Variants in C1QTNF3 observed in about 807,000 individuals in gnomAD.
The protein encoded by C1QTNF3 is complement C1q tumor necrosis factor-related protein 3.
Under a neutral mutation model 32.6 loss-of-function variants are expected in C1QTNF3, and 26 were observed. That is an observed-to-expected ratio of 0.80 (90% CI 0.58 to 1.11). C1QTNF3 has a LOEUF of 1.11. Among genes scored for constraint, C1QTNF3 ranks in the 50% least tolerant of loss-of-function variants. The pLI, the probability that C1QTNF3 is intolerant of heterozygous loss-of-function variation, is 0.00. For synonymous variants in C1QTNF3, 155 were observed against 146.0 expected (o/e 1.06, Z -0.44); for missense variants, 362 against 398.2 (o/e 0.91, Z 0.77).
chr5:34,135,042 T>C, the C1QTNF3 span, among the ~76,000 whole-genome samples: 5 of 152,280 alleles, frequency 3.3e-5, no homozygotes, highest in East Asian at 3.9e-4. Context: ...CAGTGTGATA[T>C]TGGCTGTGGG....
At chr5:34,033,924 A>T (rs1199007413) in intron 2 of C1QTNF3, among the ~76,000 whole-genome samples, 1 of 152,228 alleles carries the variant, frequency 6.6e-6, no homozygotes, top group Non-Finnish European at 1.5e-5. Context: ...CACTTTGCGA[A>T]GCCACAGTGG....
the C1QTNF3 span, among the ~76,000 whole-genome samples, chr5:34,239,153 T>C: frequency 6.6e-6 from 1 of 152,140 alleles, no homozygotes; most frequent in African/African-American, 2.4e-5. Context: ...GTGCTATACA[T>C]TGAGTAAAAA....
At chr5:34,056,398 A>C in the C1QTNF3 span, among the ~76,000 whole-genome samples, 566 of 138,754 alleles carry the variant, frequency 4.1e-3, 1 homozygote, top group Admixed American at 8.9e-3. Context: ...TTTTACCATG[A>C]CATATATATA....
intron 2 of C1QTNF3, 26 bp from the exon 3 acceptor site, chr5:34,033,484 G>C: frequency 6.2e-7 from 1 of 1,614,040 alleles, no homozygotes; most frequent in South Asian, 1.1e-5. Flanking sequence ...ATCATCACAT[G>C]AGAAAACCCA....
chr5:34,019,988 A>C lies in C1QTNF3; in HGVS notation c.*595T>G, dbSNP rs1754284919. On this transcript the variant is annotated 3_prime_UTR_variant, in exon 6 of 6. Coordinates refer to ENST00000382065, the MANE Select transcript of C1QTNF3 (RefSeq NM_181435.6). The stretch of plus-strand genomic sequence containing the variant: ...CAAAATTACAACCACATTACTGGTC[A>C]AGCACTTTATAGCTAAAATCTATTG... 6.6e-6 allele frequency: 1 copy of C among 152,584 alleles called. No individual in the cohort carries two copies. The highest frequency in any genetic ancestry group is 6.5e-5 in the Admixed American group (1 of 15,338). 9.5% of individuals were successfully genotyped at this position (152,584 alleles called of 1,614,324 possible).
chr5:34,220,493 T>TAC, the C1QTNF3 span, among the ~76,000 whole-genome samples: 3,129 of 145,786 alleles, frequency 0.021, 43 homozygotes, highest in South Asian at 0.047. Context: ...TCAGTTAGCA[T>TAC]ACACACACAC....
chr5:34,114,375 CA>C, the C1QTNF3 span, among the ~76,000 whole-genome samples: 88 of 152,030 alleles, frequency 5.8e-4, 1 homozygote, highest in East Asian at 0.015. Context: ...TATAAGCAAA[CA>C]AAAAAATCCA....
At chr5:34,140,389 G>C in the C1QTNF3 span, among the ~76,000 whole-genome samples, 6 of 152,106 alleles carry the variant, frequency 3.9e-5, no homozygotes, top group Admixed American at 3.9e-4. Flanking sequence ...GAGGAAAGGA[G>C]ATTAAACAGC....
At chr5:34,209,089 T>A in the C1QTNF3 span, among the ~76,000 whole-genome samples, 14 of 152,170 alleles carry the variant, frequency 9.2e-5, no homozygotes, top group Non-Finnish European at 2.1e-4. Context: ...AATTATCAGG[T>A]CCAAAAATGT....
chr5:34,087,305 AT>A, the C1QTNF3 span, among the ~76,000 whole-genome samples: 2 of 151,552 alleles, frequency 1.3e-5, no homozygotes, highest in African/African-American at 4.9e-5. Flanking sequence ...TCAAAAAAAA[AT>A]CATCTTGGCA....
chr5:34,142,694 C>T, the C1QTNF3 span, among the ~76,000 whole-genome samples: 10 of 152,156 alleles, frequency 6.6e-5, no homozygotes, highest in African/African-American at 1.4e-4. Context: ...TATACTTCCC[C>T]GTGAAACCAA....
chr5:34,230,341 T>G, the C1QTNF3 span, among the ~76,000 whole-genome samples: 2 of 152,048 alleles, frequency 1.3e-5, no homozygotes, highest in South Asian at 4.1e-4. Flanking sequence ...GACAATAAAT[T>G]TATGTTGTTT....
At chr5:34,063,259 T>G in the C1QTNF3 span, among the ~76,000 whole-genome samples, 6 of 152,024 alleles carry the variant, frequency 3.9e-5, no homozygotes, top group Non-Finnish European at 8.8e-5. Flanking sequence ...TCTCTCTTTC[T>G]TTGACTTTCT....
chr5:34,163,048 C>A, the C1QTNF3 span, among the ~76,000 whole-genome samples: 11 of 152,240 alleles, frequency 7.2e-5, no homozygotes, highest in East Asian at 2.1e-3. Flanking sequence ...GGCATTCCAC[C>A]TTGTATGTGC....
the C1QTNF3 span, among the ~76,000 whole-genome samples, chr5:34,222,606 T>C: frequency 2.0e-5 from 3 of 152,040 alleles, no homozygotes; most frequent in African/African-American, 4.8e-5. Context: ...ATTCATAGTG[T>C]ACATAAATTT....
the C1QTNF3 span, among the ~76,000 whole-genome samples, chr5:34,085,052 G>T: frequency 4.4e-5 from 6 of 135,362 alleles, no homozygotes; most frequent in Non-Finnish European, 1.5e-5. Flanking sequence ...GTACAGTGGT[G>T]CAATCTCGGC....
chr5:34,083,075 T>C, the C1QTNF3 span, among the ~76,000 whole-genome samples: 1 of 151,576 alleles, frequency 6.6e-6, no homozygotes, highest in East Asian at 1.9e-4. Flanking sequence ...TTCATGCCTG[T>C]ATGGCTTCAG....
the C1QTNF3 span, among the ~76,000 whole-genome samples, chr5:34,068,528 T>TAG: frequency 1.0e-4 from 15 of 150,152 alleles, no homozygotes; most frequent in Middle Eastern, 3.4e-3. Context: ...TATACGTATA[T>TAG]AGAGAGAGAG....
At chr5:34,027,719 A>C (rs541188765) in intron 4 of C1QTNF3, among the ~76,000 whole-genome samples, 36 of 142,830 alleles carry the variant, frequency 2.5e-4, no homozygotes, top group East Asian at 6.4e-4. Context: ...AACAAACAAA[A>C]AAAATCCACC....
Sources: allele counts gnomAD v4.1 joint callset (sites outside exome capture counted in the v4.1 genomes callset), GRCh38; gene constraint gnomAD v4.1.1; transcripts MANE v1.5; gene names NCBI Gene and HGNC (gene_info 2026-07-23, HGNC 2026-07-21).